Variants in CSMD3 observed in about 807,000 individuals in gnomAD.
CSMD3 encodes CUB and Sushi multiple domains 3.
A neutral mutation model predicts 435.2 loss-of-function variants in CSMD3; 177 were observed. The observed-to-expected ratio is 0.41, with a 90% CI of 0.36 to 0.46. CSMD3 has a LOEUF of 0.46. Ranked by LOEUF, CSMD3 falls within the 20% of genes least tolerant of loss-of-function variation. The pLI, the probability that CSMD3 is intolerant of heterozygous loss-of-function variation, is 0.34. For missense variants in CSMD3, 4,265 were observed against 4,504.6 expected (o/e 0.95, Z 1.52); for synonymous variants, 1,656 against 1,520.5 (o/e 1.09, Z -2.07).
intron 31 of CSMD3, among the ~76,000 whole-genome samples, chr8:112,475,856 C>G (rs1273170211): frequency 6.6e-6 from 1 of 152,076 alleles, no homozygotes; most frequent in Admixed American, 6.5e-5. Flanking sequence ...AAAAGCAAGT[C>G]AGACCTTTGG....
intron 1 of CSMD3, among the ~76,000 whole-genome samples, chr8:113,353,251 G>T (rs2094201388): frequency 6.6e-6 from 1 of 152,106 alleles, no homozygotes; most frequent in Admixed American, 6.6e-5. Context: ...GTAGAATTAA[G>T]AAAAGTCCCT....
chr8:112,785,008 C>A lies in CSMD3; in HGVS notation c.1972+15154G>T, dbSNP rs565153558. ...GTTTGATGAACATTGATGTAAAAAT[C>A]CTCAACAAAATACTCCCAAACCTAA... On this transcript the variant is annotated intron_variant, in intron 13 of 70. Transcript: ENST00000297405. Among the ~76,000 whole-genome samples the A allele has an allele frequency of 3.9e-5, 6 of 152,016 alleles. No homozygotes were observed. In the South Asian group the frequency reaches 1.2e-3, roughly 32 times the overall value.
At chr8:113,432,655 C>A (rs2094681810) in intron 1 of CSMD3, among the ~76,000 whole-genome samples, 1 of 152,210 alleles carries the variant, frequency 6.6e-6, no homozygotes, top group South Asian at 2.1e-4. Flanking sequence ...ACAATCCCCA[C>A]TCGTTGTTTC....
intron 2 of CSMD3, among the ~76,000 whole-genome samples, chr8:113,305,161 G>T (rs376271756): frequency 1.4e-5 from 2 of 138,070 alleles, no homozygotes; most frequent in East Asian, 2.4e-4. Context: ...TGGGGTTGGG[G>T]GAGGGGGGAG....
At chr8:113,238,465 T>G (rs1246243092) in intron 3 of CSMD3, among the ~76,000 whole-genome samples, 1 of 152,092 alleles carries the variant, frequency 6.6e-6, no homozygotes, top group Non-Finnish European at 1.5e-5. Context: ...CCTACCTTAT[T>G]AGTTCTTGAG....
chr8:112,831,027 T>C (rs1438654155), intron 11 of CSMD3, among the ~76,000 whole-genome samples: 1 of 152,114 alleles, frequency 6.6e-6, no homozygotes, highest in Admixed American at 6.6e-5. Context: ...GGCCTCGTGA[T>C]CCGCCCACCT....
chr8:113,305,044 C>T (rs1163469830), intron 2 of CSMD3, among the ~76,000 whole-genome samples: 9 of 150,370 alleles, frequency 6.0e-5, no homozygotes, highest in African/African-American at 9.8e-5. Flanking sequence ...AGTAAACTAT[C>T]GCAAGAACAA....
chr8:112,792,913 T>G (rs866200799), intron 13 of CSMD3, among the ~76,000 whole-genome samples: 84 of 151,862 alleles, frequency 5.5e-4, no homozygotes, highest in African/African-American at 1.9e-3. Context: ...ATTTAAAACA[T>G]TTATAGAAAG....
At chr8:113,233,532 A>C (rs2093113578) in intron 3 of CSMD3, among the ~76,000 whole-genome samples, 1 of 151,028 alleles carries the variant, frequency 6.6e-6, no homozygotes, top group Non-Finnish European at 1.5e-5. Flanking sequence ...AATTATAAAA[A>C]TATTTACATG....
Position 112,638,751 on chromosome 8 carries a change from C to T in CSMD3, c.3471G>A (p.Leu1157=), listed in dbSNP as rs780906925. Residue 1157 remains leucine, a synonymous_variant, in exon 21 of 71, where the codon TTG becomes TTA. Transcript: ENST00000297405. ...ATATTGAAAAATCTGAAATGAAACG[C>T]AATTGAGCCCTGAAATTTCCATAGA... is the stretch of plus-strand genomic sequence containing the variant. ...AGLYGNFRAQ[L]RFISDFSISY... 1 of 1,611,178 alleles carries T rather than the reference C, an allele frequency of 6.2e-7. No individual in the cohort carries two copies. The highest frequency in any genetic ancestry group is 8.5e-7 in the Non-Finnish European group (1 of 1,177,740).
In CSMD3 at chr8:112,286,274, T is replaced by C. The variant is rs563129836; in HGVS notation, c.9331+790A>G. Among the ~76,000 whole-genome samples the C allele has an allele frequency of 2.0e-5, 3 of 152,284 alleles. No homozygotes were observed. The South Asian group carries it at 6.2e-4, about 32-fold the overall frequency. On this transcript the variant is annotated intron_variant, in intron 58 of 70. Coordinates refer to ENST00000297405, the MANE Select transcript of CSMD3 (RefSeq NM_198123.2). ...ATATAGGTACACTAGTCTCCCCTTATCTACTATTCTTTCCACAGTTTCACT... is the reference window on the plus strand; with the variant it reads ...ATATAGGTACACTAGTCTCCCCTTACCTACTATTCTTTCCACAGTTTCACT...
intron 11 of CSMD3, among the ~76,000 whole-genome samples, chr8:112,836,601 GGTAATTCTATCTGAA>G (rs901582132): frequency 6.6e-5 from 10 of 151,746 alleles, no homozygotes; most frequent in African/African-American, 2.2e-4. Context: ...TCTGCTTTGA[GGTAATTCTATCTGAA>G]TGTATTCAGC....
intron 4 of CSMD3, among the ~76,000 whole-genome samples, chr8:113,132,734 T>C (rs1426643272): frequency 6.6e-6 from 1 of 151,936 alleles, no homozygotes; most frequent in Admixed American, 6.6e-5. Flanking sequence ...CACAAGAATA[T>C]GCAAGACACA....
At chr8:113,257,326 G>T (rs1390376554) in intron 3 of CSMD3, among the ~76,000 whole-genome samples, 1 of 152,166 alleles carries the variant, frequency 6.6e-6, no homozygotes, top group East Asian at 1.9e-4. Context: ...CAGGAGAATG[G>T]CGTGAACCCA....
intron 12 of CSMD3, among the ~76,000 whole-genome samples, chr8:112,808,690 C>G (rs2132372541): frequency 6.6e-6 from 1 of 152,266 alleles, no homozygotes. Context: ...AACCATTTAT[C>G]TTTTTAACCT....
chr8:112,767,425 A>G (rs1367252675), intron 13 of CSMD3, among the ~76,000 whole-genome samples: 1 of 151,790 alleles, frequency 6.6e-6, no homozygotes, highest in Admixed American at 6.6e-5. Flanking sequence ...AATAGACTCA[A>G]GTTTTGAACA....
At chr8:112,337,987 CTAAAT>C (rs2130969542) in intron 42 of CSMD3, among the ~76,000 whole-genome samples, 1 of 152,254 alleles carries the variant, frequency 6.6e-6, no homozygotes, top group Non-Finnish European at 1.5e-5. Context: ...TGCAACCCAA[CTAAAT>C]TATGTTTTAA....
At chr8:112,687,184 G>C (rs549130661) in intron 14 of CSMD3, among the ~76,000 whole-genome samples, 1 of 151,948 alleles carries the variant, frequency 6.6e-6, no homozygotes, top group African/African-American at 2.4e-5. Context: ...AAATATCAGA[G>C]AATACAACAC....
chr8:112,236,259 T>A (rs974182707), intron 67 of CSMD3, among the ~76,000 whole-genome samples: 5 of 151,878 alleles, frequency 3.3e-5, no homozygotes, highest in Non-Finnish European at 7.4e-5. Context: ...AGACAAGAAT[T>A]TTACAGTTTA....
Sources: allele counts gnomAD v4.1 joint callset (sites outside exome capture counted in the v4.1 genomes callset), GRCh38; gene constraint gnomAD v4.1.1; transcripts MANE v1.5; gene names NCBI Gene and HGNC (gene_info 2026-07-23, HGNC 2026-07-21).